Variants in PTPRR observed in about 807,000 individuals in gnomAD.
The protein encoded by PTPRR is protein tyrosine phosphatase receptor type R.
In PTPRR, 38 loss-of-function variants were observed where a neutral mutation model predicts 77.2. The observed-to-expected ratio is 0.49, with a 90% CI of 0.38 to 0.65. The LOEUF (loss-of-function observed/expected upper bound fraction) is 0.65. PTPRR is among the 30% of genes least tolerant of loss of function. The probability of loss-of-function intolerance (pLI) is 0.00; values close to 1 mark genes in which losing one functional copy is unlikely to be tolerated. For missense variants in PTPRR, 744 were observed against 799.2 expected, an observed-to-expected ratio of 0.93 and a Z score of 0.83; for synonymous variants, 299 against 283.1, an observed-to-expected ratio of 1.06 and a Z score of -0.57.
At chr12:70,812,244 C>T (rs958375149) in intron 2 of PTPRR, among the ~76,000 whole-genome samples, 1 of 152,098 alleles carries the variant, frequency 6.6e-6, no homozygotes, top group African/African-American at 2.4e-5. Flanking sequence ...TATAATTGCA[C>T]AAGAGACACT....
intron 2 of PTPRR, among the ~76,000 whole-genome samples, chr12:70,807,394 A>G (rs2137026901): frequency 6.6e-6 from 1 of 152,326 alleles, no homozygotes; most frequent in East Asian, 1.9e-4. Context: ...TGCATTATTA[A>G]GAACTATAGT....
intron 2 of PTPRR, among the ~76,000 whole-genome samples, chr12:70,841,067 TG>T (rs1419559130): frequency 6.6e-6 from 1 of 151,490 alleles, no homozygotes; most frequent in Non-Finnish European, 1.5e-5. Flanking sequence ...AGTCTTGAGT[TG>T]GTCCAGGAGA....
At chr12:70,840,545 T>C (rs1892378956) in intron 2 of PTPRR, among the ~76,000 whole-genome samples, 1 of 152,192 alleles carries the variant, frequency 6.6e-6, no homozygotes. Flanking sequence ...TTGAGCTAAG[T>C]AGATTAATTT....
chr12:70,690,171 T>C (rs1274392796), intron 8 of PTPRR, among the ~76,000 whole-genome samples: 2 of 152,276 alleles, frequency 1.3e-5, no homozygotes, highest in East Asian at 3.9e-4. Flanking sequence ...TCTGGAGGTA[T>C]AACATGGCAA....
chr12:70,889,349 A>G (rs1893294852), intron 2 of PTPRR, among the ~76,000 whole-genome samples: 1 of 151,368 alleles, frequency 6.6e-6, no homozygotes, highest in Non-Finnish European at 1.5e-5. Context: ...AGCCCTTCAC[A>G]TAATGTCTAG....
chr12:70,694,831 T>G (rs1047747784), intron 8 of PTPRR, among the ~76,000 whole-genome samples: 2 of 152,152 alleles, frequency 1.3e-5, no homozygotes, highest in African/African-American at 4.8e-5. Context: ...TTAAACTTAT[T>G]ATTACAGTAT....
chr12:70,646,603 C>A (rs762175202), intron 13 of PTPRR, among the ~76,000 whole-genome samples: 4 of 152,136 alleles, frequency 2.6e-5, no homozygotes, highest in Non-Finnish European at 4.4e-5. Context: ...ACAAAGTAGA[C>A]CTCTTGTTGT....
chr12:70,796,994 G>C (rs1403329947), intron 2 of PTPRR, among the ~76,000 whole-genome samples: 1 of 152,088 alleles, frequency 6.6e-6, no homozygotes, highest in Non-Finnish European at 1.5e-5. Context: ...CTCCAGCCTG[G>C]GTGACAGAGC....
At chr12:70,863,404 C>A (rs1472212936) in intron 2 of PTPRR, among the ~76,000 whole-genome samples, 2 of 152,144 alleles carry the variant, frequency 1.3e-5, no homozygotes, top group African/African-American at 4.8e-5. Context: ...ATAAATGATG[C>A]ATGACTGTCC....
chr12:70,669,587 C>CACA (rs1217246223), intron 10 of PTPRR, among the ~76,000 whole-genome samples: 1 of 150,798 alleles, frequency 6.6e-6, no homozygotes, highest in Non-Finnish European at 1.5e-5. Flanking sequence ...CACACACACA[C>CACA]AAGCTTGCAC....
chr12:70,701,006 T>C (rs1888401539), intron 7 of PTPRR, 131 bp downstream of exon 7: 1 of 918,328 alleles, frequency 1.1e-6, no homozygotes, highest in African/African-American at 1.7e-5. Flanking sequence ...TGAGTGAATC[T>C]AAAACCATTT....
intron 2 of PTPRR, among the ~76,000 whole-genome samples, chr12:70,773,569 C>A (rs574623689): frequency 3.3e-5 from 5 of 151,862 alleles, no homozygotes; most frequent in South Asian, 2.1e-4. Context: ...GCAGATGGAG[C>A]ATATCATGGG....
intron 2 of PTPRR, among the ~76,000 whole-genome samples, chr12:70,810,426 T>C (rs1189899594): frequency 6.6e-6 from 1 of 152,178 alleles, no homozygotes; most frequent in Non-Finnish European, 1.5e-5. Flanking sequence ...TTCACAGAGG[T>C]CTTTTCCCTC....
chr12:70,779,995 C>T (rs1259296660), intron 2 of PTPRR, among the ~76,000 whole-genome samples: 1 of 150,732 alleles, frequency 6.6e-6, no homozygotes, highest in Non-Finnish European at 1.5e-5. Flanking sequence ...TTTTGAAACT[C>T]ACTTTTTTTT....
At chr12:70,870,246 C>T (rs1352886787) in intron 2 of PTPRR, among the ~76,000 whole-genome samples, 2 of 152,114 alleles carry the variant, frequency 1.3e-5, no homozygotes, top group Non-Finnish European at 2.9e-5. Context: ...GAAAGAACAT[C>T]ATCTTTAAAA....
intron 2 of PTPRR, among the ~76,000 whole-genome samples, chr12:70,826,450 G>T (rs1336280262): frequency 2.0e-5 from 3 of 152,092 alleles, no homozygotes; most frequent in Non-Finnish European, 4.4e-5. Flanking sequence ...AACCCCTTCT[G>T]GGAACTCCTT....
intron 3 of PTPRR, among the ~76,000 whole-genome samples, chr12:70,763,511 ATTGTTG>A (rs1565687014): frequency 2.0e-5 from 3 of 152,194 alleles, no homozygotes; most frequent in Non-Finnish European, 4.4e-5. Context: ...CTTCTAGAAC[ATTGTTG>A]ATTCACAGAA....
chr12:70,707,299 G>A (rs186138061), intron 6 of PTPRR, among the ~76,000 whole-genome samples: 232 of 151,896 alleles, frequency 1.5e-3, no homozygotes, highest in African/African-American at 5.4e-3. Flanking sequence ...CATTTTTTGT[G>A]TATGTCCTTC....
intron 1 of PTPRR, among the ~76,000 whole-genome samples, chr12:70,916,051 T>C (rs1893770249): frequency 6.6e-6 from 1 of 151,694 alleles, no homozygotes. Flanking sequence ...GAAACTACAA[T>C]AAAAAAAGTA....
Sources: gnomAD v4.1 joint callset for allele counts (sites outside exome capture counted in the v4.1 genomes callset) on GRCh38, gnomAD v4.1.1 for gene constraint, MANE v1.5 for transcripts, NCBI Gene and HGNC (gene_info 2026-07-23, HGNC 2026-07-21) for gene names.